Variants in FREM2 observed in about 807,000 individuals in gnomAD.
The protein encoded by FREM2 is FRAS1 related extracellular matrix 2, also known as FRAS1-related extracellular matrix protein 2.
FREM2 carries 119 observed loss-of-function variants against 219.9 expected under a neutral mutation model. The observed-to-expected ratio is 0.54, with a 90% CI of 0.47 to 0.63. The LOEUF (loss-of-function observed/expected upper bound fraction) is 0.63. Ranked by LOEUF, FREM2 falls within the 30% of genes least tolerant of loss-of-function variation. The pLI, the probability that FREM2 is intolerant of heterozygous loss-of-function variation, is 0.00. For synonymous variants in FREM2, 1,562 were observed against 1,522.8 expected (o/e 1.03, Z -0.60); for missense variants, 4,030 against 3,993.6 (o/e 1.01, Z -0.25).
intron 10 of FREM2, among the ~76,000 whole-genome samples, chr13:38,851,469 A>C (rs1318551998): frequency 6.6e-6 from 1 of 152,158 alleles, no homozygotes; most frequent in African/African-American, 2.4e-5. Flanking sequence ...CTGGCAGCAC[A>C]TGCTCTCTGG....
At chr13:38,832,673 C>T (rs1457253301) in intron 6 of FREM2, among the ~76,000 whole-genome samples, 2 of 152,002 alleles carry the variant, frequency 1.3e-5, no homozygotes, top group Admixed American at 6.6e-5. Flanking sequence ...AAAATGTGCT[C>T]TATGTAAAAT....
Position 38,721,895 on chromosome 13 carries a change from T to C in FREM2, c.5263+24108T>C, listed in dbSNP as rs185556726. ...TGTTTCTGTCCTTCCTGTATACTAC[T>C]TACTGCTTAGAGAGAATAAGTTATC... On this transcript the variant is annotated intron_variant, in intron 2 of 23. Transcript: ENST00000280481. Among the ~76,000 whole-genome samples the C allele has an allele frequency of 1.8e-3, 270 of 152,326 alleles. 1 individual carries two copies. The highest frequency in any genetic ancestry group is 0.013 in the Admixed American group (194 of 15,294).
intron 12 of FREM2, 83 bp from the exon 13 acceptor site, chr13:38,857,792 G>T (rs1296110650): frequency 3.5e-5 from 43 of 1,225,394 alleles, no homozygotes; most frequent in Middle Eastern, 3.8e-4. Context: ...GGGTTGCCAG[G>T]GATCGTGAGT....
intron 6 of FREM2, among the ~76,000 whole-genome samples, chr13:38,834,221 A>G (rs1228237428): frequency 7.3e-6 from 1 of 137,702 alleles, no homozygotes; most frequent in Non-Finnish European, 1.5e-5. Context: ...CCCTGTGCCC[A>G]TGTGTTCTCA....
chr13:38,879,073 T>A, intron 23 of FREM2, 96 bp downstream of exon 23: 1 of 1,103,348 alleles, frequency 9.1e-7, no homozygotes, highest in Non-Finnish European at 1.4e-6. Context: ...TAAATAGCAG[T>A]AATAGTAATA....
intron 4 of FREM2, among the ~76,000 whole-genome samples, chr13:38,771,281 T>C (rs1319572709): frequency 6.6e-6 from 1 of 152,222 alleles, no homozygotes; most frequent in Non-Finnish European, 1.5e-5. Context: ...AACTTTCTTT[T>C]GGTCCTGAAC....
intron 6 of FREM2, among the ~76,000 whole-genome samples, chr13:38,813,231 C>T (rs1875564846): frequency 6.6e-6 from 1 of 152,000 alleles, no homozygotes; most frequent in Non-Finnish European, 1.5e-5. Flanking sequence ...TTTAGCATTT[C>T]TCATAGGACA....
At chr13:38,699,158 TA>T (rs1274909445) in intron 2 of FREM2, among the ~76,000 whole-genome samples, 2 of 152,160 alleles carry the variant, frequency 1.3e-5, no homozygotes, top group Admixed American at 6.6e-5. Flanking sequence ...ATTATTGGTT[TA>T]AAACACCATG....
chr13:38,869,332 G>T (rs1298573743), intron 16 of FREM2, among the ~76,000 whole-genome samples: 1 of 152,192 alleles, frequency 6.6e-6, no homozygotes, highest in Non-Finnish European at 1.5e-5. Flanking sequence ...CAGCAATGAA[G>T]TGTGATTAAC....
intron 2 of FREM2, among the ~76,000 whole-genome samples, chr13:38,700,328 G>A (rs993462686): frequency 3.3e-5 from 5 of 151,936 alleles, no homozygotes; most frequent in African/African-American, 1.2e-4. Flanking sequence ...CTTGGGAAAG[G>A]GTTACTACCT....
chr13:38,886,910 A>G lies in FREM2; in HGVS notation c.*6123A>G, dbSNP rs777625646. 1 of 152,192 alleles carries G rather than the reference A, an allele frequency of 6.6e-6. No individual in the cohort carries two copies. Among genetic ancestry groups the G allele is most frequent in the Non-Finnish European group, 1.5e-5 (1 of 68,030 alleles). The allele number at this position is 152,192 out of a possible 1,614,324, so 9.4% of individuals were successfully genotyped here. ...ATTTTCGCATGAGAATTTTTCAAAA[A>G]CTATCAGGGTCTAGTTTTATCATAC... On this transcript the variant is annotated 3_prime_UTR_variant, in exon 24 of 24. Coordinates refer to ENST00000280481, the MANE Select transcript of FREM2 (RefSeq NM_207361.6).
chr13:38,832,870 C>A (rs953385595), intron 6 of FREM2, among the ~76,000 whole-genome samples: 3 of 151,970 alleles, frequency 2.0e-5, no homozygotes, highest in African/African-American at 7.3e-5. Context: ...CATGGCAAAA[C>A]CCCATCTCTA....
chr13:38,692,626 A>G, intron 1 of FREM2, 109 bp downstream of exon 1: 1 of 1,307,366 alleles, frequency 7.6e-7, no homozygotes, highest in South Asian at 1.2e-5. Context: ...AGGAAAGGAA[A>G]CAAAGGGGAT....
At chr13:38,709,323 T>A (rs1870668057) in intron 2 of FREM2, among the ~76,000 whole-genome samples, 1 of 152,194 alleles carries the variant, frequency 6.6e-6, no homozygotes, top group South Asian at 2.1e-4. Context: ...TAACAACTCA[T>A]ATTTGGATCT....
intron 6 of FREM2, among the ~76,000 whole-genome samples, chr13:38,789,205 T>G (rs1414501657): frequency 6.6e-6 from 1 of 152,000 alleles, no homozygotes; most frequent in Non-Finnish European, 1.5e-5. Flanking sequence ...TTTTGTAGGT[T>G]TGGTAAAATT....
intron 2 of FREM2, among the ~76,000 whole-genome samples, chr13:38,756,386 A>G (rs1468127569): frequency 6.6e-6 from 1 of 152,134 alleles, no homozygotes; most frequent in Non-Finnish European, 1.5e-5. Context: ...TATTAACTAT[A>G]TGTTGTTGAT....
chr13:38,796,292 T>G (rs1043180921), intron 6 of FREM2, among the ~76,000 whole-genome samples: 1 of 152,182 alleles, frequency 6.6e-6, no homozygotes, highest in Admixed American at 6.6e-5. Flanking sequence ...AATTTCTCTC[T>G]GCCATTATTA....
In FREM2 at chr13:38,851,885, G is replaced by A. The variant is rs766175848; in HGVS notation, c.6925+17G>A. 2 of 1,608,898 alleles carry A rather than the reference G, an allele frequency of 1.2e-6. No individual in the cohort carries two copies. Among genetic ancestry groups the A allele is most frequent in the East Asian group, 4.5e-5 (2 of 44,792 alleles). The stretch of plus-strand genomic sequence containing the variant: ...TGTCAGAAGGTATGGGGCTCCCAGG[G>A]CCTGTCTCCTGATGGATCATGCCAA... On this transcript the variant is annotated intron_variant, in intron 11 of 23. Transcript: ENST00000280481.
At chr13:38,777,628 T>C (rs751275802) in intron 4 of FREM2, among the ~76,000 whole-genome samples, 18 of 152,340 alleles carry the variant, frequency 1.2e-4, no homozygotes, top group Non-Finnish European at 1.3e-4. Flanking sequence ...CCATGCCTAC[T>C]AGCTAAGAAT....
Sources: allele counts gnomAD v4.1 joint callset (sites outside exome capture counted in the v4.1 genomes callset), GRCh38; gene constraint gnomAD v4.1.1; transcripts MANE v1.5; gene names NCBI Gene and HGNC (gene_info 2026-07-23, HGNC 2026-07-21).